ZBED6: variants seen among roughly 807,000 people sequenced by gnomAD.
ZBED6 encodes the protein zinc finger BED-type containing 6.
In ZBED6, 40 loss-of-function variants were observed where a neutral mutation model predicts 58.4. The ratio of observed to expected loss-of-function variants is 0.68; its 90% CI spans 0.53 to 0.89. The LOEUF is 0.89. Among genes scored for constraint, ZBED6 ranks in the 40% least tolerant of loss-of-function variants. The pLI, the probability that ZBED6 is intolerant of heterozygous loss-of-function variation, is 0.00. For missense variants in ZBED6, 1,057 were observed against 1,003.9 expected, an observed-to-expected ratio of 1.05 and a Z score of -0.71; for synonymous variants, 439 against 350.6, an observed-to-expected ratio of 1.25 and a Z score of -2.82.
chr1:203,812,983 G>A (rs1398554196), intron 1 of ZBED6, among the ~76,000 whole-genome samples: 1 of 152,134 alleles, frequency 6.6e-6, no homozygotes, highest in Non-Finnish European at 1.5e-5. Flanking sequence ...TCTTTGGTGA[G>A]GTACCTGTTC....
intron 9 of ZBED6, among the ~76,000 whole-genome samples, chr1:203,835,159 G>A (rs898359307): frequency 2.0e-5 from 3 of 152,156 alleles, no homozygotes; most frequent in African/African-American, 7.2e-5. Flanking sequence ...TGCACTTTAC[G>A]CTCTAAGTAA....
chr1:203,849,862 T>G, exon 14 of ZBED6: 2 of 1,614,074 alleles, frequency 1.2e-6, no homozygotes, highest in Non-Finnish European at 1.7e-6. Context: ...AATACCCAAG[T>G]GGCAGAGAAA....
At chr1:203,797,814 G>A (rs1669111238) in exon 1 of ZBED6, 10 of 1,536,078 alleles carry the variant, frequency 6.5e-6, no homozygotes, top group South Asian at 1.2e-5. Flanking sequence ...TGTTGCAGAT[G>A]CCCCTGCTTT....
At chr1:203,829,644 A>G (rs775256878) in exon 5 of ZBED6, 1 of 1,614,114 alleles carries the variant, frequency 6.2e-7, no homozygotes, top group East Asian at 2.2e-5. Flanking sequence ...ATGATGATGA[A>G]GATGATGATG....
intron 4 of ZBED6, 136 bp from the exon 5 acceptor site, chr1:203,829,315 T>C (rs973734453): frequency 1.1e-5 from 9 of 854,048 alleles, no homozygotes; most frequent in Non-Finnish European, 1.6e-5. Flanking sequence ...CCTGGGACTT[T>C]AGAACTTAAA....
chr1:203,809,172 G>GTTTTTTTTT (rs33926996), intron 1 of ZBED6, among the ~76,000 whole-genome samples: 4 of 83,268 alleles, frequency 4.8e-5, no homozygotes, highest in Non-Finnish European at 6.3e-5. Context: ...TCTTCTCACT[G>GTTTTTTTTT]TTTTTTTTTT....
chr1:203,820,359 G>A (rs1404829529), intron 3 of ZBED6, among the ~76,000 whole-genome samples: 1 of 152,030 alleles, frequency 6.6e-6, no homozygotes, highest in Non-Finnish European at 1.5e-5. Flanking sequence ...AACACTTATG[G>A]TAGCTATAGG....
chr1:203,836,579 A>G (rs1684415461), intron 9 of ZBED6, among the ~76,000 whole-genome samples: 1 of 152,160 alleles, frequency 6.6e-6, no homozygotes, highest in Non-Finnish European at 1.5e-5. Context: ...GAAACTACTA[A>G]AAATACAAAC....
intron 3 of ZBED6, among the ~76,000 whole-genome samples, chr1:203,822,277 C>G (rs1294774996): frequency 6.6e-6 from 1 of 151,954 alleles, no homozygotes; most frequent in Non-Finnish European, 1.5e-5. Flanking sequence ...TTTTTCCTTC[C>G]TCTCAGGCTC....
chr1:203,806,617 C>A (rs1396837497), intron 1 of ZBED6, among the ~76,000 whole-genome samples: 1 of 152,034 alleles, frequency 6.6e-6, no homozygotes, highest in Non-Finnish European at 1.5e-5. Flanking sequence ...ACCTTTTTTT[C>A]TTAATGCATA....
At chr1:203,819,579 G>C (rs567352916) in intron 3 of ZBED6, among the ~76,000 whole-genome samples, 12 of 114,298 alleles carry the variant, frequency 1.0e-4, no homozygotes, top group African/African-American at 3.4e-4. Flanking sequence ...TTGTTGCCCA[G>C]GCTGGAGTGT....
chr1:203,815,216 C>CTTTTCT (rs1553261508), intron 1 of ZBED6, among the ~76,000 whole-genome samples: 1 of 97,144 alleles, frequency 1.0e-5, no homozygotes, highest in Non-Finnish European at 1.9e-5. Flanking sequence ...CTTTTCTTTT[C>CTTTTCT]TTTTTTTTTT....
At position 203,804,460 on chromosome 1, in the gene ZBED6, A is replaced by C. The variant is rs566100531; in HGVS notation, c.*2554+1444A>C. Among the ~76,000 whole-genome samples the C allele has an allele frequency of 3.3e-5, 5 of 151,698 alleles. No homozygotes were observed. In the East Asian group the frequency reaches 9.8e-4, roughly 30 times the overall value. ...AGCCACCACGCCCGGCCCTTCCTGT[A>C]TATCTTTTTATTGTGAATGGTCTCT... On this transcript the variant is annotated intron_variant, in intron 1 of 16. Coordinates refer to ENST00000550078, the Ensembl canonical transcript of ZBED6.
Position 203,798,546 on chromosome 1 carries a change from C to T in ZBED6, c.1024C>T (p.Leu342Phe), listed in dbSNP as rs542266903. Reference sequence around the variant, plus strand: ...TGAAGCTGAGACTGAGAGAAGTGATCTCTTGAGTGATACCTTGCATGGAGA... The same window carrying T: ...TGAAGCTGAGACTGAGAGAAGTGATTTCTTGAGTGATACCTTGCATGGAGA... Residue 342 changes from leucine (L) to phenylalanine (F), a missense_variant, in exon 1 of 17, where the codon CTC becomes TTC. Leu to Phe is a conservative substitution (Grantham distance 22). Transcript: ENST00000550078. The T allele has an allele frequency of 9.2e-5, 142 of 1,536,120 alleles. No individual in the cohort carries two copies. The highest frequency in any genetic ancestry group is 3.3e-4 in the Middle Eastern group (2 of 5,990).
intron 14 of ZBED6, 45 bp downstream of exon 14, chr1:203,850,071 C>G (rs760707550): frequency 6.4e-7 from 1 of 1,572,906 alleles, no homozygotes; most frequent in Non-Finnish European, 8.6e-7. Flanking sequence ...ATCAAAATTA[C>G]CAAATTCAAC....
intron 13 of ZBED6, among the ~76,000 whole-genome samples, chr1:203,849,011 T>C (rs1688646350): frequency 6.6e-6 from 1 of 152,126 alleles, no homozygotes. Context: ...CAGCCTCCCA[T>C]GTAGCTGGGA....
At chr1:203,821,901 G>A (rs1678854728) in intron 3 of ZBED6, among the ~76,000 whole-genome samples, 1 of 151,994 alleles carries the variant, frequency 6.6e-6, no homozygotes, top group African/African-American at 2.4e-5. Context: ...GGGATTACAG[G>A]TGCCCGCCAC....
In ZBED6 at chr1:203,820,583, T is replaced by C. The variant is rs546163274; in HGVS notation, c.*2873+1894T>C. ...ACCTCTGCCTCCTGAGTTCATGTGA[T>C]TCTTGTGCCTCAACCTCTCGAGTAG... On this transcript the variant is annotated intron_variant, in intron 3 of 16. Coordinates refer to ENST00000550078, the Ensembl canonical transcript of ZBED6. 2.6e-5 allele frequency among the ~76,000 whole-genome samples: 4 copies of C among 151,814 alleles called. No homozygotes were observed. In the South Asian group the frequency reaches 8.4e-4, roughly 32 times the overall value.
chr1:203,823,257 C>T (rs1179591278), intron 3 of ZBED6, among the ~76,000 whole-genome samples: 1 of 152,202 alleles, frequency 6.6e-6, no homozygotes, highest in African/African-American at 2.4e-5. Context: ...GAAAAAGACA[C>T]TGGAGGAATC....
Sources: allele counts gnomAD v4.1 joint callset (sites outside exome capture counted in the v4.1 genomes callset), GRCh38; gene constraint gnomAD v4.1.1; transcripts MANE v1.5; gene names NCBI Gene and HGNC (gene_info 2026-07-23, HGNC 2026-07-21).